HSD17B7: variants seen among roughly 807,000 people sequenced by gnomAD.
HSD17B7 encodes hydroxysteroid 17-beta dehydrogenase 7, also known as 3-keto-steroid reductase/17-beta-hydroxysteroid dehydrogenase 7.
HSD17B7 carries 17 observed loss-of-function variants against 34.1 expected under a neutral mutation model. The observed-to-expected ratio is 0.50, with a 90% CI of 0.34 to 0.75. HSD17B7 has a LOEUF of 0.75. Among genes scored for constraint, HSD17B7 ranks in the 30% least tolerant of loss-of-function variants. The pLI is 0.01. For synonymous variants in HSD17B7, 122 were observed against 154.6 expected (o/e 0.79, Z 1.56); for missense variants, 296 against 406.6 (o/e 0.73, Z 2.34).
Position 162,796,497 on chromosome 1 carries a change from A to T in HSD17B7, c.240-88A>T, listed in dbSNP as rs944496370. On this transcript the variant is annotated intron_variant, in intron 2 of 8. Transcript: ENST00000254521. The stretch of plus-strand genomic sequence containing the variant: ...TTTTTGTCTTTCTTAGGCCTCCTTG[A>T]TTCTAGTCACTCTAGAGATAGAATA... 4 of 781,650 alleles carry T rather than the reference A, an allele frequency of 5.1e-6. No individual in the cohort carries two copies. The African/African-American group carries it at 6.9e-5, about 14-fold the overall frequency. 48.4% of individuals were successfully genotyped at this position (781,650 alleles called of 1,614,324 possible). A position where few individuals can be genotyped will look rare whatever the true frequency, so the allele number is the denominator to read the frequency against.
chr1:162,803,164 G>C lies in HSD17B7; in HGVS notation c.643-267G>C, dbSNP rs182170396. The C allele has an allele frequency of 1.6e-3, 374 of 228,846 alleles. 3 individuals carry two copies. Among genetic ancestry groups the C allele is most frequent in the African/African-American group, 7.8e-3 (348 of 44,400 alleles). The allele number at this position is 228,846 out of a possible 1,614,324, so 14.2% of individuals were successfully genotyped here. On this transcript the variant is annotated intron_variant, in intron 5 of 8. Transcript: ENST00000254521. ...GCTTTTCTCCCCCAGCGTTAAGATTGGTTATTTTTTATACTGCAAGGTTCA... is the reference window on the plus strand; with the variant it reads ...GCTTTTCTCCCCCAGCGTTAAGATTCGTTATTTTTTATACTGCAAGGTTCA...
intron 8 of HSD17B7, among the ~76,000 whole-genome samples, chr1:162,809,608 G>A (rs1024410616): frequency 5.3e-5 from 8 of 151,900 alleles, no homozygotes; most frequent in Non-Finnish European, 8.8e-5. Flanking sequence ...GGCTTTTTTT[G>A]GTTGGTAGGC....
intron 7 of HSD17B7, 120 bp from the exon 8 acceptor site, chr1:162,805,274 A>C (rs1159754415): frequency 7.2e-7 from 1 of 1,394,520 alleles, no homozygotes; most frequent in African/African-American, 1.5e-5. Context: ...CACTGATGAT[A>C]TTTGAGAGGA....
At chr1:162,804,868 C>T (rs1381401598) in intron 7 of HSD17B7, among the ~76,000 whole-genome samples, 1 of 152,200 alleles carries the variant, frequency 6.6e-6, no homozygotes, top group Non-Finnish European at 1.5e-5. Context: ...TATAATACTC[C>T]TTTCTGCTAT....
intron 2 of HSD17B7, among the ~76,000 whole-genome samples, chr1:162,795,078 G>T (rs1648556895): frequency 6.6e-6 from 1 of 152,142 alleles, no homozygotes; most frequent in African/African-American, 2.4e-5. Flanking sequence ...TTTAGGAAAT[G>T]AATGGTTATA....
intron 8 of HSD17B7, among the ~76,000 whole-genome samples, chr1:162,805,777 C>G (rs1399756903): frequency 6.6e-6 from 1 of 152,198 alleles, no homozygotes; most frequent in Non-Finnish European, 1.5e-5. Context: ...GCCTGGGTGC[C>G]TCTGTAATAG....
intron 1 of HSD17B7, among the ~76,000 whole-genome samples, chr1:162,792,114 G>A (rs534997322): frequency 6.6e-6 from 1 of 152,152 alleles, no homozygotes; most frequent in East Asian, 1.9e-4. Flanking sequence ...TTGTTGAGAG[G>A]GATTTGTACA....
intron 6 of HSD17B7, among the ~76,000 whole-genome samples, chr1:162,803,990 A>T (rs1648901029): frequency 6.6e-6 from 1 of 152,226 alleles, no homozygotes; most frequent in Non-Finnish European, 1.5e-5. Flanking sequence ...TGCTACTTTT[A>T]GGAAATGATT....
intron 8 of HSD17B7, among the ~76,000 whole-genome samples, chr1:162,806,832 A>G (rs983907704): frequency 2.6e-5 from 4 of 152,214 alleles, no homozygotes; most frequent in Non-Finnish European, 4.4e-5. Flanking sequence ...AAAGTATTTT[A>G]ACCTTTGATT....
At chr1:162,792,447 A>G (rs1476299300) in intron 1 of HSD17B7, 1 of 661,134 alleles carries the variant, frequency 1.5e-6, no homozygotes, top group Middle Eastern at 4.4e-4. Context: ...GAAGTTTTTC[A>G]AAATGAGAAA....
rs1236402256 is a variant in HSD17B7, at chr1:162,792,857, G to A, written c.234G>A (p.Lys78=). 5.0e-6 allele frequency: 8 copies of A among 1,613,990 alleles called. No individual in the cohort carries two copies. Among genetic ancestry groups the A allele is most frequent in the Non-Finnish European group, 6.8e-6 (8 of 1,180,006 alleles). ...QSVFRASKEL[K]QRFQRLDCIY... ...TCTTCCGGGCCTCCAAGGAACTTAA[G>A]CAAAGGTATATCTCTTGCTGATGGA... is the stretch of plus-strand genomic sequence containing the variant. The change falls in exon 2 of 9, where the codon AAG becomes AAA. Residue 78 remains lysine, a synonymous_variant. Coordinates refer to ENST00000254521, the MANE Select transcript of HSD17B7 (RefSeq NM_016371.4).
At chr1:162,793,587 A>G (rs985318818) in intron 2 of HSD17B7, among the ~76,000 whole-genome samples, 5 of 152,182 alleles carry the variant, frequency 3.3e-5, no homozygotes, top group Admixed American at 1.3e-4. Context: ...CCAGTACCAC[A>G]TTTTCAATCT....
intron 1 of HSD17B7, 70 bp downstream of exon 1, chr1:162,790,905 C>T (rs1287694397): frequency 1.2e-5 from 15 of 1,274,924 alleles, no homozygotes; most frequent in Non-Finnish European, 1.6e-5. Context: ...GTCTGCGACC[C>T]TCCACGAACG....
chr1:162,800,417 A>G (rs1431699224), intron 5 of HSD17B7: 1 of 393,386 alleles, frequency 2.5e-6, no homozygotes, highest in Non-Finnish European at 5.0e-6. Context: ...CCACTGTACC[A>G]TGCTGCCGCC....
chr1:162,808,760 C>T (rs1649074040), intron 8 of HSD17B7, among the ~76,000 whole-genome samples: 1 of 151,838 alleles, frequency 6.6e-6, no homozygotes, highest in Admixed American at 6.6e-5. Flanking sequence ...CATGATTTGG[C>T]TCTCTGTTTG....
At position 162,792,837 on chromosome 1, in the gene HSD17B7, C is replaced by T. The variant is rs763935491; in HGVS notation, c.214C>T (p.Arg72Trp). The T allele has an allele frequency of 2.6e-5, 42 of 1,614,072 alleles. No homozygotes were observed. Among genetic ancestry groups the T allele is most frequent in the Middle Eastern group, 1.6e-4 (1 of 6,084 alleles). ...TGTCAGCAACCTGCAGTCGGTCTTC[C>T]GGGCCTCCAAGGAACTTAAGCAAAG... Reference protein sequence around the residue: ...VDVSNLQSVFRASKELKQRFQ... With the variant: ...VDVSNLQSVFWASKELKQRFQ... The change falls in exon 2 of 9, where the codon CGG becomes TGG. Residue 72 changes from arginine to tryptophan, a missense_variant. By Grantham distance (101) the Arg-to-Trp change is moderately radical (BLOSUM62 -3). Coordinates refer to ENST00000254521, the MANE Select transcript of HSD17B7 (RefSeq NM_016371.4).
intron 5 of HSD17B7, 45 bp downstream of exon 5, chr1:162,799,982 C>T (rs1208842272): frequency 2.0e-6 from 3 of 1,496,598 alleles, no homozygotes; most frequent in Middle Eastern, 1.7e-4. Flanking sequence ...GGAGGGTTCT[C>T]TTAATTACCT....
In HSD17B7 at chr1:162,805,409, C is replaced by G; in HGVS notation, c.820C>G (p.Gln274Glu). ...GTEALVWLFH[Q>E]KPESLNPLIK... ...TCCTTTCCAGGTATGGCTTTTCCACCAAAAGCCTGAATCTCTCAATCCTCT... is the reference window on the plus strand; with the variant it reads ...TCCTTTCCAGGTATGGCTTTTCCACGAAAAGCCTGAATCTCTCAATCCTCT... The change falls in exon 8 of 9, where the codon CAA becomes GAA. Residue 274 changes from glutamine (Q) to glutamate (E), a missense_variant. Physicochemically the swap from Gln to Glu is conservative, Grantham distance 29. Transcript: ENST00000254521. 6.2e-7 allele frequency: 1 copy of G among 1,612,854 alleles called. No homozygotes were observed. Among genetic ancestry groups the G allele is most frequent in the Non-Finnish European group, 8.5e-7 (1 of 1,179,250 alleles).
Position 162,812,573 on chromosome 1 carries a change from A to C in HSD17B7, c.*153A>C, listed in dbSNP as rs1334297354. 1 of 720,208 alleles carries C rather than the reference A, an allele frequency of 1.4e-6. No individual in the cohort carries two copies. Among genetic ancestry groups the C allele is most frequent in the Non-Finnish European group, 2.1e-6 (1 of 477,808 alleles). The allele number at this position is 720,208 out of a possible 1,614,324, so 44.6% of individuals were successfully genotyped here. On this transcript the variant is annotated 3_prime_UTR_variant, in exon 9 of 9. Transcript: ENST00000254521. ...TGCGCATGTAGTCCCAGCTACTCAGAAGGATGAGGTGGGAGGATCTCTTGA... is the reference window on the plus strand; with the variant it reads ...TGCGCATGTAGTCCCAGCTACTCAGCAGGATGAGGTGGGAGGATCTCTTGA...
Sources: allele counts gnomAD v4.1 joint callset (sites outside exome capture counted in the v4.1 genomes callset), GRCh38; gene constraint gnomAD v4.1.1; transcripts MANE v1.5; gene names NCBI Gene and HGNC (gene_info 2026-07-23, HGNC 2026-07-21).